Variants in NCAM1 observed in about 807,000 individuals in gnomAD.
The protein encoded by NCAM1 is neural cell adhesion molecule 1, also known as antigen recognized by monoclonal antibody 5.1H11.
A neutral mutation model predicts 109.8 loss-of-function variants in NCAM1; 14 were observed. The observed-to-expected ratio is 0.13, with a 90% confidence interval of 0.08 to 0.20. The LOEUF is 0.20. NCAM1 is among the 10% of genes least tolerant of loss of function. NCAM1 has a pLI of 1.00. For missense variants in NCAM1, 774 were observed against 1,109.9 expected (o/e 0.70, Z 4.30); for synonymous variants, 418 against 442.9 (o/e 0.94, Z 0.70).
At chr11:113,267,661 G>A (rs928178112) in intron 17 of NCAM1, among the ~76,000 whole-genome samples, 11 of 152,142 alleles carry the variant, frequency 7.2e-5, no homozygotes, top group Non-Finnish European at 1.3e-4. Context: ...CTTTTAGGCC[G>A]GGAGAAAGAC....
Position 113,271,885 on chromosome 11 carries a change from G to A in NCAM1, c.2456+9G>A, listed in dbSNP as rs782572181. On this transcript the variant is annotated intron_variant, in intron 19 of 19. Coordinates refer to ENST00000316851, the MANE Select transcript of NCAM1 (RefSeq NM_181351.5). Reference sequence around the variant, plus strand: ...CCACTGACGGAGCCCGAGTACGTGGGCTGGGAGGGGCTGGCACCTGCTCCG... The same window carrying A: ...CCACTGACGGAGCCCGAGTACGTGGACTGGGAGGGGCTGGCACCTGCTCCG... 15 of 1,549,206 alleles carry A rather than the reference G, an allele frequency of 9.7e-6. No homozygotes were observed. The East Asian group carries it at 1.2e-4, about 13-fold the overall frequency.
At chr11:113,070,929 C>T (rs1303018877) in intron 1 of NCAM1, among the ~76,000 whole-genome samples, 4 of 152,136 alleles carry the variant, frequency 2.6e-5, no homozygotes, top group African/African-American at 9.7e-5. Flanking sequence ...AAATTTATCG[C>T]TAACGCAGTC....
intron 1 of NCAM1, among the ~76,000 whole-genome samples, chr11:112,978,504 G>A (rs1354809643): frequency 6.6e-6 from 1 of 151,728 alleles, no homozygotes; most frequent in Non-Finnish European, 1.5e-5. Context: ...CTTAATATTA[G>A]TGAGGCTTTC....
At chr11:113,174,926 G>A (rs782420888) in intron 1 of NCAM1, among the ~76,000 whole-genome samples, 2 of 152,072 alleles carry the variant, frequency 1.3e-5, no homozygotes, top group Admixed American at 6.5e-5. Flanking sequence ...CCATCCTCAG[G>A]GAATAGTCCT....
intron 1 of NCAM1, among the ~76,000 whole-genome samples, chr11:113,171,268 CT>C (rs1468647001): frequency 2.0e-5 from 3 of 152,206 alleles, no homozygotes; most frequent in African/African-American, 7.2e-5. Context: ...CCAGATCTCT[CT>C]GATCTATTCC....
chr11:113,230,997 G>A (rs760881115), intron 9 of NCAM1, among the ~76,000 whole-genome samples: 1 of 152,174 alleles, frequency 6.6e-6, no homozygotes, highest in Non-Finnish European at 1.5e-5. Flanking sequence ...GACCTGCCTA[G>A]GACTCTCTGT....
At chr11:113,268,615 C>A (rs1555124735) in intron 17 of NCAM1, among the ~76,000 whole-genome samples, 2 of 152,204 alleles carry the variant, frequency 1.3e-5, no homozygotes, top group Non-Finnish European at 2.9e-5. Context: ...AGAGGGACAG[C>A]CACCAGAGAA....
In NCAM1 at chr11:113,273,189, A is replaced by G. The variant is rs1311009259; in HGVS notation, c.2456+1313A>G. ...CTCCCCGGCCCCAGCTTCAGCCCCC[A>G]AGGTCGCCCCCCTCGTTGACCTGAG... On this transcript the variant is annotated intron_variant, in intron 19 of 19. Transcript: ENST00000316851. The surrounding 1 kb of genome is among the most constrained non-coding windows in gnomAD (Gnocchi z 6.0). 1 of 343,074 alleles carries G rather than the reference A, an allele frequency of 2.9e-6. No individual in the cohort carries two copies. The highest frequency in any genetic ancestry group is 8.0e-5 in the East Asian group (1 of 12,494). The allele number at this position is 343,074 out of a possible 1,614,324, so 21.3% of individuals were successfully genotyped here. A position where few individuals can be genotyped will look rare whatever the true frequency, so the allele number is the denominator to read the frequency against.
chr11:113,093,382 A>C (rs570616722), intron 1 of NCAM1, among the ~76,000 whole-genome samples: 1 of 152,366 alleles, frequency 6.6e-6, no homozygotes, highest in Non-Finnish European at 1.5e-5. Context: ...GTAGGCGTTC[A>C]GAGAAGCTTT....
intron 1 of NCAM1, among the ~76,000 whole-genome samples, chr11:113,051,978 G>A (rs1953514036): frequency 6.6e-6 from 1 of 152,200 alleles, no homozygotes; most frequent in African/African-American, 2.4e-5. Flanking sequence ...TACCGCACTG[G>A]TCTTCCAGAT....
intron 1 of NCAM1, among the ~76,000 whole-genome samples, chr11:113,014,140 C>T (rs2135157559): frequency 6.6e-6 from 1 of 152,142 alleles, no homozygotes; most frequent in South Asian, 2.1e-4. Flanking sequence ...ACTACACAGG[C>T]TTGGGGAACA....
chr11:113,161,324 A>G (rs975551310), intron 1 of NCAM1, among the ~76,000 whole-genome samples: 3 of 152,322 alleles, frequency 2.0e-5, no homozygotes, highest in Admixed American at 6.5e-5. Flanking sequence ...TTACATCTAC[A>G]TAGTATTTTA....
chr11:113,041,680 GA>G (rs3839947), intron 1 of NCAM1, among the ~76,000 whole-genome samples: 8,220 of 151,468 alleles, frequency 0.054, 580 homozygotes, highest in Admixed American at 0.16. Flanking sequence ...TATTGTGTCT[GA>G]AAAAAAAATT....
rs371485160 is a variant in NCAM1 at position 113,232,367 on chromosome 11, G to A, written c.1425+13G>A. 4 of 1,600,742 alleles carry A rather than the reference G, an allele frequency of 2.5e-6. No individual in the cohort carries two copies. Among genetic ancestry groups the A allele is most frequent in the Admixed American group, 1.7e-5 (1 of 59,318 alleles). ...CAGCTATCTGGAGGTGAGTCAGGATGGGGGTGGGACAGAGCAGAGAAAGCA... is the reference window on the plus strand; with the variant it reads ...CAGCTATCTGGAGGTGAGTCAGGATAGGGGTGGGACAGAGCAGAGAAAGCA... On this transcript the variant is annotated intron_variant, in intron 11 of 19. Transcript: ENST00000316851.
chr11:113,166,489 C>A (rs758694786), intron 1 of NCAM1, among the ~76,000 whole-genome samples: 1 of 152,240 alleles, frequency 6.6e-6, no homozygotes, highest in African/African-American at 2.4e-5. Flanking sequence ...TCAGCCTCAA[C>A]TTCCTCACCT....
At chr11:113,090,991 A>G (rs782229392) in intron 1 of NCAM1, among the ~76,000 whole-genome samples, 10 of 152,202 alleles carry the variant, frequency 6.6e-5, no homozygotes, top group Non-Finnish European at 1.3e-4. Flanking sequence ...ATGCTATAGT[A>G]TGTTAGAAAG....
chr11:113,014,526 C>T (rs1952159154), intron 1 of NCAM1, among the ~76,000 whole-genome samples: 2 of 152,000 alleles, frequency 1.3e-5, no homozygotes, highest in South Asian at 2.1e-4. Flanking sequence ...TGAATGCTGC[C>T]GTAAAGAAGG....
chr11:113,229,989 G>A (rs529950589), intron 9 of NCAM1, among the ~76,000 whole-genome samples: 10 of 151,990 alleles, frequency 6.6e-5, no homozygotes, highest in East Asian at 3.9e-4. Flanking sequence ...TGTAAATGAC[G>A]AGTTAATGGG....
At chr11:113,187,238 G>T (rs1278409737) in intron 1 of NCAM1, among the ~76,000 whole-genome samples, 1 of 152,102 alleles carries the variant, frequency 6.6e-6, no homozygotes, top group African/African-American at 2.4e-5. Flanking sequence ...TTGGTCTCTG[G>T]GTCAGTCTTC....
Sources: gnomAD v4.1 joint callset for allele counts (sites outside exome capture counted in the v4.1 genomes callset) on GRCh38, gnomAD v4.1.1 for gene constraint, Gnocchi (gnomAD v3.1) non-coding constraint, MANE v1.5 for transcripts, NCBI Gene and HGNC (gene_info 2026-07-23, HGNC 2026-07-21) for gene names.